ARL15: variants seen among roughly 807,000 people sequenced by gnomAD.
The protein encoded by ARL15 is ARF like GTPase 15.
ARL15 carries 19 observed loss-of-function variants against 25.2 expected under a neutral mutation model. That is an observed-to-expected ratio of 0.75 (90% confidence interval 0.53 to 1.10). The LOEUF is 1.10. Among genes scored for constraint, ARL15 ranks in the 50% least tolerant of loss-of-function variants. ARL15 has a pLI of 0.00. For missense variants in ARL15, 220 were observed against 246.0 expected, an observed-to-expected ratio of 0.89 and a Z score of 0.71; for synonymous variants, 94 against 86.8, an observed-to-expected ratio of 1.08 and a Z score of -0.46.
chr5:53,961,104 A>G (rs1021287779), intron 4 of ARL15, among the ~76,000 whole-genome samples: 1 of 152,210 alleles, frequency 6.6e-6, no homozygotes, highest in African/African-American at 2.4e-5. Context: ...AACTGCTTCT[A>G]TATGAAACAA....
chr5:54,203,987 C>A (rs1445630020), intron 1 of ARL15, among the ~76,000 whole-genome samples: 2 of 152,030 alleles, frequency 1.3e-5, no homozygotes, highest in Non-Finnish European at 2.9e-5. Context: ...AACTAAGTCC[C>A]ACCTTTGCCC....
chr5:54,107,895 C>A (rs573221770), intron 4 of ARL15, among the ~76,000 whole-genome samples: 1 of 152,138 alleles, frequency 6.6e-6, no homozygotes, highest in African/African-American at 2.4e-5. Flanking sequence ...GTGGACAAGG[C>A]ACACTTTAAT....
intron 1 of ARL15, among the ~76,000 whole-genome samples, chr5:54,266,889 T>A (rs531605750): frequency 1.3e-5 from 2 of 152,266 alleles, no homozygotes; most frequent in African/African-American, 4.8e-5. Flanking sequence ...TTACTAACAA[T>A]AAAATGCACA....
intron 4 of ARL15, among the ~76,000 whole-genome samples, chr5:53,958,948 C>T (rs1015589653): frequency 4.6e-5 from 7 of 151,932 alleles, no homozygotes; most frequent in East Asian, 1.9e-4. Context: ...ATAGAAAATT[C>T]GACAATAATA....
At chr5:54,204,371 T>A (rs1755804926) in intron 1 of ARL15, among the ~76,000 whole-genome samples, 1 of 152,286 alleles carries the variant, frequency 6.6e-6, no homozygotes, top group Middle Eastern at 3.4e-3. Flanking sequence ...TTTTCAGAAA[T>A]TAGGACTTTG....
intron 4 of ARL15, among the ~76,000 whole-genome samples, chr5:54,048,795 G>GAAAA (rs543949208): frequency 7.2e-6 from 1 of 139,650 alleles, no homozygotes; most frequent in African/African-American, 2.6e-5. Context: ...TATGCTATAG[G>GAAAA]AAAAAAAAAA....
intron 4 of ARL15, among the ~76,000 whole-genome samples, chr5:54,011,440 GTTTT>G (rs1427860145): frequency 6.6e-6 from 1 of 151,870 alleles, no homozygotes; most frequent in Non-Finnish European, 1.5e-5. Flanking sequence ...TTGTTGTTTT[GTTTT>G]TTGTTTGTTT....
At chr5:54,120,103 T>C (rs1040545168) in intron 3 of ARL15, among the ~76,000 whole-genome samples, 1 of 152,234 alleles carries the variant, frequency 6.6e-6, no homozygotes, top group Non-Finnish European at 1.5e-5. Context: ...ATTAATCTTT[T>C]ATAGAATACT....
chr5:54,240,014 T>C (rs994002658), intron 1 of ARL15, among the ~76,000 whole-genome samples: 5 of 152,008 alleles, frequency 3.3e-5, no homozygotes, highest in Admixed American at 6.6e-5. Flanking sequence ...GATCACGAGG[T>C]CAGGAGATCG....
intron 4 of ARL15, among the ~76,000 whole-genome samples, chr5:53,978,560 A>G (rs996464638): frequency 3.4e-5 from 5 of 148,576 alleles, no homozygotes; most frequent in Admixed American, 6.9e-5. Flanking sequence ...CCAAGATGGG[A>G]GAATCACTTG....
intron 1 of ARL15, among the ~76,000 whole-genome samples, chr5:54,279,891 C>T (rs1186285751): frequency 1.3e-5 from 2 of 152,222 alleles, no homozygotes; most frequent in African/African-American, 4.8e-5. Flanking sequence ...AGTCAGAGCT[C>T]CCTTTCTGGA....
At chr5:54,276,130 C>G (rs1274239108) in intron 1 of ARL15, among the ~76,000 whole-genome samples, 1 of 152,086 alleles carries the variant, frequency 6.6e-6, no homozygotes, top group Non-Finnish European at 1.5e-5. Flanking sequence ...ACAGCCAAGC[C>G]AACACCTTAA....
At chr5:54,272,599 GA>G (rs1449744156) in intron 1 of ARL15, among the ~76,000 whole-genome samples, 1 of 151,582 alleles carries the variant, frequency 6.6e-6, no homozygotes, top group East Asian at 2.0e-4. Flanking sequence ...TTCTTATCAA[GA>G]AAAAAAGCCT....
intron 3 of ARL15, among the ~76,000 whole-genome samples, chr5:54,143,584 G>A (rs1753828204): frequency 6.6e-6 from 1 of 151,936 alleles, no homozygotes; most frequent in South Asian, 2.1e-4. Context: ...TATTGATACA[G>A]ATATACGTGT....
chr5:54,134,624 C>T (rs1265796539), intron 3 of ARL15, among the ~76,000 whole-genome samples: 2 of 126,342 alleles, frequency 1.6e-5, no homozygotes, highest in Non-Finnish European at 3.2e-5. Flanking sequence ...CTTGCTCTCT[C>T]GCCAGGCTGG....
intron 3 of ARL15, among the ~76,000 whole-genome samples, chr5:54,153,238 T>C (rs1382983467): frequency 1.3e-5 from 2 of 152,176 alleles, no homozygotes; most frequent in African/African-American, 2.4e-5. Context: ...TTATAAACCA[T>C]GCATCTGGAA....
At chr5:54,289,358 T>C (rs1357509120) in intron 1 of ARL15, among the ~76,000 whole-genome samples, 2 of 143,116 alleles carry the variant, frequency 1.4e-5, no homozygotes, top group East Asian at 4.0e-4. Flanking sequence ...ACAAGTCCTA[T>C]GAAGAAAAAA....
rs439515 is a variant in ARL15, at chr5:54,099,524, A to C, written c.462+13678T>G. On this transcript the variant is annotated intron_variant, in intron 4 of 4. Coordinates refer to ENST00000504924, the MANE Select transcript of ARL15 (RefSeq NM_019087.3). The stretch of plus-strand genomic sequence containing the variant: ...AGCTTTGCAGTATTTTCTTTTTTAC[A>C]TTTGGAATTTATTCTTTAAGTACCC... 2.6e-5 allele frequency among the ~76,000 whole-genome samples: 4 copies of C among 152,272 alleles called. No homozygotes were observed. The East Asian group carries it at 7.7e-4, about 29-fold the overall frequency.
chr5:54,097,670 C>G (rs1334711376), intron 4 of ARL15, among the ~76,000 whole-genome samples: 1 of 152,020 alleles, frequency 6.6e-6, no homozygotes, highest in South Asian at 2.1e-4. Flanking sequence ...AACATGCTAC[C>G]AGAACTTGGT....
Sources: gnomAD v4.1 joint callset for allele counts (sites outside exome capture counted in the v4.1 genomes callset) on GRCh38, gnomAD v4.1.1 for gene constraint, MANE v1.5 for transcripts, NCBI Gene and HGNC (gene_info 2026-07-23, HGNC 2026-07-21) for gene names.